Variants in CARD14 observed in about 807,000 individuals in gnomAD.
CARD14 encodes caspase recruitment domain family member 14.
In CARD14, 107 loss-of-function variants were observed where a neutral mutation model predicts 111.5. That is an observed-to-expected ratio of 0.96 (90% CI 0.82 to 1.13). The LOEUF is 1.13. Among genes scored for constraint, CARD14 ranks in the 50% most tolerant of loss-of-function variants. The pLI, the probability that CARD14 is intolerant of heterozygous loss-of-function variation, is 0.00. For missense variants in CARD14, 1,322 were observed against 1,362.3 expected (o/e 0.97, Z 0.47); for synonymous variants, 617 against 579.6 (o/e 1.06, Z -0.93).
At chr17:80,180,204 C>T (rs576563263) in intron 4 of CARD14, among the ~76,000 whole-genome samples, 1 of 152,262 alleles carries the variant, frequency 6.6e-6, no homozygotes, top group South Asian at 2.1e-4. Context: ...CTCTTAGAGT[C>T]TGCACTAGCC....
rs957788344 is a variant in CARD14, at chr17:80,198,273, C to T, written c.1658+111C>T. 2.6e-6 allele frequency: 4 copies of T among 1,562,426 alleles called. No individual in the cohort carries two copies. In the Admixed American group the frequency reaches 6.8e-5, roughly 26 times the overall value. ...AATGGGAGGCAACAGCCTTTCCAAG[C>T]ACATGGGGCCATGGAGGGGGAGGAG... is the stretch of plus-strand genomic sequence containing the variant. On this transcript the variant is annotated intron_variant, in intron 15 of 23. Coordinates refer to ENST00000648509, the MANE Select transcript of CARD14 (RefSeq NM_001366385.1). This position sits in a 1 kb window ranked among gnomAD's most constrained non-coding sequence, Gnocchi z 7.5.
At chr17:80,202,091 T>G in intron 17 of CARD14, 89 bp from the exon 18 acceptor site, 1 of 1,313,566 alleles carries the variant, frequency 7.6e-7, no homozygotes, top group Non-Finnish European at 1.1e-6. Flanking sequence ...GGGAGGGTCC[T>G]TCCTTCTCTC....
intron 2 of CARD14, 53 bp downstream of exon 2, chr17:80,173,281 C>T (rs1383159147): frequency 6.8e-6 from 1 of 147,712 alleles, no homozygotes; most frequent in African/African-American, 2.6e-5. Context: ...TTCTCTCCCC[C>T]TCTCTTTCTC....
chr17:80,174,108 C>T (rs1449541134), intron 2 of CARD14, among the ~76,000 whole-genome samples: 1 of 152,028 alleles, frequency 6.6e-6, no homozygotes, highest in East Asian at 1.9e-4. Flanking sequence ...GAGGCAGAGG[C>T]GGGAGGAGTG....
In CARD14 at chr17:80,195,071, C is replaced by T. The variant is rs2040660794; in HGVS notation, c.1357-120C>T. On this transcript the variant is annotated intron_variant, in intron 12 of 23. Transcript: ENST00000648509. This position sits in a 1 kb window ranked among gnomAD's most constrained non-coding sequence, Gnocchi z 4.7. The stretch of plus-strand genomic sequence containing the variant: ...TGACCCCATGTGTGTCCTTCTTTCC[C>T]CTCCTGCCTCCTCTCCAGTCAGTTC... The T allele has an allele frequency of 3.8e-6, 5 of 1,321,590 alleles. No homozygotes were observed. Among genetic ancestry groups the T allele is most frequent in the Non-Finnish European group, 5.1e-6 (5 of 975,346 alleles). The allele number at this position is 1,321,590 out of a possible 1,614,324, so 81.9% of individuals were successfully genotyped here. A position where few individuals can be genotyped will look rare whatever the true frequency, so the allele number is the denominator to read the frequency against.
intron 23 of CARD14, among the ~76,000 whole-genome samples, chr17:80,207,379 T>C (rs1033487912): frequency 3.3e-5 from 5 of 152,184 alleles, no homozygotes; most frequent in African/African-American, 1.2e-4. Flanking sequence ...GGAGAAACCC[T>C]GTCTCTATTA....
At chr17:80,204,388 G>T in intron 20 of CARD14, 47 bp downstream of exon 20, 1 of 1,497,480 alleles carries the variant, frequency 6.7e-7, no homozygotes, top group South Asian at 1.3e-5. Context: ...CCAAGTGGGT[G>T]AGGGGCTTTG....
At chr17:80,178,101 C>T (rs903503112) in intron 2 of CARD14, among the ~76,000 whole-genome samples, 20 of 152,196 alleles carry the variant, frequency 1.3e-4, no homozygotes, top group African/African-American at 4.8e-4. Context: ...GTTCTCCTCT[C>T]CTCCTCACCT....
intron 5 of CARD14, 124 bp downstream of exon 5, chr17:80,181,773 C>T: frequency 1.2e-6 from 1 of 821,428 alleles, no homozygotes; most frequent in Non-Finnish European, 1.9e-6. Flanking sequence ...TTGCTGTTGC[C>T]TTTAGGGCCC....
chr17:80,198,237 G>A lies in CARD14; in HGVS notation c.1658+75G>A. On this transcript the variant is annotated intron_variant, in intron 15 of 23. Coordinates refer to ENST00000648509, the MANE Select transcript of CARD14 (RefSeq NM_001366385.1). The surrounding 1 kb of genome is among the most constrained non-coding windows in gnomAD (Gnocchi z 7.5). Reference sequence around the variant, plus strand: ...GGGAGTGGCAGAGCAGAGGGTGAGTGTCCTATTACCAATGGGAGGCAACAG... The same window carrying A: ...GGGAGTGGCAGAGCAGAGGGTGAGTATCCTATTACCAATGGGAGGCAACAG... 6.3e-7 allele frequency: 1 copy of A among 1,580,516 alleles called. No individual in the cohort carries two copies.
chr17:80,208,387 C>A lies in CARD14; in HGVS notation c.*42C>A. The A allele has an allele frequency of 3.3e-6, 5 of 1,495,394 alleles. No individual in the cohort carries two copies. The highest frequency in any genetic ancestry group is 3.6e-6 in the Non-Finnish European group (4 of 1,102,906). The allele number at this position is 1,495,394 out of a possible 1,614,324, so 92.6% of individuals were successfully genotyped here. On this transcript the variant is annotated 3_prime_UTR_variant, in exon 24 of 24. Transcript: ENST00000648509. ...CCGGGACTGTGGGGGCTTCTGTGTGCCTGTTAATGCAGTCCTGTTCCTCAG... is the reference window on the plus strand; with the variant it reads ...CCGGGACTGTGGGGGCTTCTGTGTGACTGTTAATGCAGTCCTGTTCCTCAG...
rs1179459329 is a variant in CARD14, at chr17:80,201,605, G to A, written c.1852-139G>A. ...CACAGAGGCTCTGGTGTGTGGCTTT[G>A]TTTTGACCAAGGCGTGCAGGCAGTG... is the stretch of plus-strand genomic sequence containing the variant. On this transcript the variant is annotated intron_variant, in intron 16 of 23. Transcript: ENST00000648509. This position sits in a 1 kb window ranked among gnomAD's most constrained non-coding sequence, Gnocchi z 5.0. 4 of 849,566 alleles carry A rather than the reference G, an allele frequency of 4.7e-6. No homozygotes were observed. In the African/African-American group the frequency reaches 5.0e-5, roughly 11 times the overall value. The allele number at this position is 849,566 out of a possible 1,614,324, so 52.6% of individuals were successfully genotyped here.
In CARD14 at chr17:80,209,130, A is replaced by T; in HGVS notation, c.*785A>T. Reference sequence around the variant, plus strand: ...TTCTTGGGCCAAACATCTTTACTCCACCTTCAGGGCTCGGGGAGGACCCAG... The same window carrying T: ...TTCTTGGGCCAAACATCTTTACTCCTCCTTCAGGGCTCGGGGAGGACCCAG... On this transcript the variant is annotated 3_prime_UTR_variant, in exon 24 of 24. Coordinates refer to ENST00000648509, the MANE Select transcript of CARD14 (RefSeq NM_001366385.1). 1 of 190,346 alleles carries T rather than the reference A, an allele frequency of 5.3e-6. No individual in the cohort carries two copies. The highest frequency in any genetic ancestry group is 9.7e-6 in the Non-Finnish European group (1 of 103,356). 11.8% of individuals were successfully genotyped at this position (190,346 alleles called of 1,614,324 possible).
In CARD14 at chr17:80,191,386, C is replaced by G. The variant is rs1160924896; in HGVS notation, c.1153C>G (p.Leu385Val). ...CCAGAGCCTGGTGGAGAAGGACTCC[C>G]TCCGCAGGCAGGTGTTCGAGCTGAC... ...ISQSLVEKDS[L>V]RRQVFELTDQ... is the part of the protein sequence containing the mutation. Residue 385 changes from leucine to valine, a missense_variant, in exon 11 of 24, where the codon CTC becomes GTC. By Grantham distance (32) the Leu-to-Val change is conservative. Coordinates refer to ENST00000648509, the MANE Select transcript of CARD14 (RefSeq NM_001366385.1). The G allele has an allele frequency of 1.9e-6, 3 of 1,613,812 alleles. No individual in the cohort carries two copies. The highest frequency in any genetic ancestry group is 2.5e-6 in the Non-Finnish European group (3 of 1,180,008).
chr17:80,198,118 C>T lies in CARD14; in HGVS notation c.1614C>T (p.Ser538=), dbSNP rs746925568. Residue 538 remains serine, a synonymous_variant, in exon 15 of 24, where the codon AGC becomes AGT. Coordinates refer to ENST00000648509, the MANE Select transcript of CARD14 (RefSeq NM_001366385.1). The surrounding 1 kb of genome is among the most constrained non-coding windows in gnomAD (Gnocchi z 7.5). ...LDTADLPQLE[S]SLQPVSPGRL... ...TCCCAGACCTTCCGCAGCTGGAAAG[C>T]AGCCTGCAGCCAGTCTCCCCTGGAA... is the stretch of plus-strand genomic sequence containing the variant. 12 of 1,613,536 alleles carry T rather than the reference C, an allele frequency of 7.4e-6. No individual in the cohort carries two copies.
rs1301128400 is a variant in CARD14, at chr17:80,201,825, A to G, written c.1933A>G (p.Arg645Gly). ...GGAGGAGGCCGTGGGGCTTCTCAGG[A>G]GGGTGGACGGCTTCTGCTGCCTGTC... ...TLEEAVGLLR[R>G]VDGFCCLSVK... Residue 645 changes from arginine to glycine, a missense_variant, in exon 17 of 24, where the codon AGG becomes GGG. Transcript: ENST00000648509. The surrounding 1 kb of genome is among the most constrained non-coding windows in gnomAD (Gnocchi z 5.0). 2 of 1,613,990 alleles carry G rather than the reference A, an allele frequency of 1.2e-6. No homozygotes were observed. The highest frequency in any genetic ancestry group is 1.7e-5 in the Admixed American group (1 of 60,000).
intron 21 of CARD14, 51 bp downstream of exon 21, chr17:80,205,256 C>CTCCTCCCCTTCCTCCCTCCT (rs749196689): frequency 1.2e-5 from 18 of 1,488,878 alleles, no homozygotes; most frequent in African/African-American, 4.1e-5. Context: ...CCCTCCCTCC[C>CTCCTCCCCTTCCTCCCTCCT]TCCTCCCCTT....
At chr17:80,204,422 T>G in intron 20 of CARD14, 81 bp downstream of exon 20, 1 of 1,370,460 alleles carries the variant, frequency 7.3e-7, no homozygotes, top group African/African-American at 1.4e-5. Context: ...GTTGGTCAGC[T>G]GGGGCAGGGG....
chr17:80,205,727 T>G, intron 22 of CARD14, 75 bp downstream of exon 22: 191 of 1,320,376 alleles, frequency 1.4e-4, no homozygotes, highest in Non-Finnish European at 1.8e-4. Flanking sequence ...GGGGATGAGA[T>G]AAAGGTACAG....
Sources: gnomAD v4.1 joint callset for allele counts (sites outside exome capture counted in the v4.1 genomes callset) on GRCh38, gnomAD v4.1.1 for gene constraint, Gnocchi (gnomAD v3.1) non-coding constraint, MANE v1.5 for transcripts, NCBI Gene and HGNC (gene_info 2026-07-23, HGNC 2026-07-21) for gene names.